The following PCDHGB6 variants were observed in gnomAD, a reference collection of about 807,000 sequenced individuals.
The protein encoded by PCDHGB6 is protocadherin gamma subfamily B, 6.
Under a neutral mutation model 59.1 loss-of-function variants are expected in PCDHGB6, and 51 were observed. The observed-to-expected ratio is 0.86, with a 90% CI of 0.69 to 1.09. The LOEUF is 1.09. PCDHGB6 is among the 50% of genes least tolerant of loss of function. The pLI is 0.00. For synonymous variants in PCDHGB6, 466 were observed against 495.1 expected, an observed-to-expected ratio of 0.94 and a Z score of 0.78; for missense variants, 1,148 against 1,205.1, an observed-to-expected ratio of 0.95 and a Z score of 0.70.
chr5:141,432,415 G>A lies in PCDHGB6; in HGVS notation c.2418+21795G>A, dbSNP rs2097498934. The A allele has an allele frequency of 6.2e-7, 1 of 1,614,112 alleles. No homozygotes were observed. The highest frequency in any genetic ancestry group is 1.1e-5 in the South Asian group (1 of 91,092). On this transcript the variant is annotated intron_variant, in intron 1 of 3. Transcript: ENST00000520790. This position sits in a 1 kb window ranked among gnomAD's most constrained non-coding sequence, Gnocchi z 6.0. ...GCAACGTGTCGTTGAGCCTGTTCGT[G>A]CTGGACCAGAACGACAATGCGCCCG... is the stretch of plus-strand genomic sequence containing the variant.
In PCDHGB6 at chr5:141,408,956, A is replaced by G; in HGVS notation, c.754A>G (p.Ser252Gly). The stretch of plus-strand genomic sequence containing the variant: ...CAGAGACGAATATAGAATTAGTCTT[A>G]GTGAAAATCTGCCCCCTGGGTCCCC... ...FSRDEYRISL[S>G]ENLPPGSPVL... The change falls in exon 1 of 4, where the codon AGT becomes GGT. Residue 252 changes from serine to glycine, a missense_variant. By Grantham distance (56) the Ser-to-Gly change is moderately conservative. Around this residue, in one of 5 missense-constraint regions of PCDHGB6, gnomAD observed 307 missense variants for 323.8 expected, o/e 0.95. Coordinates refer to ENST00000520790, the MANE Select transcript of PCDHGB6 (RefSeq NM_018926.3). The G allele has an allele frequency of 6.2e-7, 1 of 1,613,714 alleles. No individual in the cohort carries two copies. The highest frequency in any genetic ancestry group is 8.5e-7 in the Non-Finnish European group (1 of 1,179,790).
intron 3 of PCDHGB6, among the ~76,000 whole-genome samples, chr5:141,506,032 G>A (rs994735467): frequency 5.9e-5 from 9 of 152,166 alleles, no homozygotes; most frequent in Non-Finnish European, 1.0e-4. Context: ...TCCAGAGTAG[G>A]ATTCTGGTTT....
At chr5:141,428,134 T>C (rs746772496) in intron 1 of PCDHGB6, 1 of 1,600,266 alleles carries the variant, frequency 6.2e-7, no homozygotes, top group Non-Finnish European at 8.5e-7. Flanking sequence ...CTTTTCAGCC[T>C]GGGGCTGCAC....
chr5:141,481,229 A>G (rs989963485), intron 1 of PCDHGB6, among the ~76,000 whole-genome samples: 5 of 152,212 alleles, frequency 3.3e-5, no homozygotes, highest in African/African-American at 4.8e-5. Context: ...TCCCAGCCTT[A>G]AAGTATTACA....
In PCDHGB6 at chr5:141,476,707, G is replaced by A. The variant is rs1309848893; in HGVS notation, c.2419-18100G>A. 6.2e-7 allele frequency: 1 copy of A among 1,614,206 alleles called. No individual in the cohort carries two copies. The highest frequency in any genetic ancestry group is 1.7e-5 in the Admixed American group (1 of 60,032). On this transcript the variant is annotated intron_variant, in intron 1 of 3. Coordinates refer to ENST00000520790, the MANE Select transcript of PCDHGB6 (RefSeq NM_018926.3). This position sits in a 1 kb window ranked among gnomAD's most constrained non-coding sequence, Gnocchi z 7.6. ...ACAGCACCAAGTACGCGGAGCTGGT[G>A]TTGGAGCGCGCCCTGGACCGAGAAC...
chr5:141,409,940 C>G lies in PCDHGB6; in HGVS notation c.1738C>G (p.Arg580Gly). 6.2e-7 allele frequency: 1 copy of G among 1,613,236 alleles called. No homozygotes were observed. ...DGSAFFDMVP[R>G]SAEPGYLVTK... ...CTCCGCGTTCTTCGATATGGTACCTCGCTCTGCAGAGCCCGGCTACCTAGT... is the reference window on the plus strand; with the variant it reads ...CTCCGCGTTCTTCGATATGGTACCTGGCTCTGCAGAGCCCGGCTACCTAGT... Residue 580 changes from arginine to glycine, a missense_variant, in exon 1 of 4, where the codon CGC becomes GGC. Around this residue, in one of 5 missense-constraint regions of PCDHGB6, gnomAD observed 549 missense variants for 527.5 expected, o/e 1.04. Transcript: ENST00000520790.
rs1465791228 is a variant in PCDHGB6, at chr5:141,409,410, A to G, written c.1208A>G (p.Lys403Arg). 6.2e-7 allele frequency: 1 copy of G among 1,614,036 alleles called. No individual in the cohort carries two copies. The highest frequency in any genetic ancestry group is 1.3e-5 in the African/African-American group (1 of 75,072). Residue 403 changes from lysine to arginine, a missense_variant, in exon 1 of 4, where the codon AAA becomes AGA. Physicochemically the swap from Lys to Arg is conservative, Grantham distance 26 (BLOSUM62 2). Transcript: ENST00000520790. ...TATTCTTCTTCCAATAACTACTACA[A>G]ACTGGTGACAGATGGAGCCCTGGAC... ...KIYSSSNNYY[K>R]LVTDGALDRE...
chr5:141,423,106 G>T lies in PCDHGB6; in HGVS notation c.2418+12486G>T, dbSNP rs562864937. On this transcript the variant is annotated intron_variant, in intron 1 of 3. Coordinates refer to ENST00000520790, the MANE Select transcript of PCDHGB6 (RefSeq NM_018926.3). ...CGCGGTGGGGGAGCACACGGGCGAGGTGCGTACAGCGCGGGCACTGCTGGA... is the reference window on the plus strand; with the variant it reads ...CGCGGTGGGGGAGCACACGGGCGAGTTGCGTACAGCGCGGGCACTGCTGGA... The T allele has an allele frequency of 1.2e-5, 19 of 1,613,894 alleles. No individual in the cohort carries two copies. The African/African-American group carries it at 2.1e-4, about 18-fold the overall frequency.
intron 1 of PCDHGB6, chr5:141,416,492 A>G (rs183273356): frequency 1.4e-4 from 22 of 152,306 alleles, no homozygotes; most frequent in Admixed American, 1.4e-3. Flanking sequence ...AACAGGAGCA[A>G]GAGATATATG....
At position 141,491,289 on chromosome 5, in the gene PCDHGB6, C is replaced by T. The variant is rs2099710219; in HGVS notation, c.2419-3518C>T. ...CCAAATCCAGTGACTTCCTCATACA[C>T]CCTCCTGAGCGTTCAGACCTTACCC... On this transcript the variant is annotated intron_variant, in intron 1 of 3. Transcript: ENST00000520790. The surrounding 1 kb of genome is among the most constrained non-coding windows in gnomAD (Gnocchi z 6.9). 2 of 1,614,112 alleles carry T rather than the reference C, an allele frequency of 1.2e-6. No homozygotes were observed. The highest frequency in any genetic ancestry group is 1.7e-6 in the Non-Finnish European group (2 of 1,179,942).
At chr5:141,426,946 C>T (rs565370434) in intron 1 of PCDHGB6, 5 of 456,668 alleles carry the variant, frequency 1.1e-5, no homozygotes, top group Non-Finnish European at 2.2e-5. Context: ...CCAGTCCCAA[C>T]TGGCACTGCT....
intron 1 of PCDHGB6, chr5:141,427,780 TGTCGTCCTAC>T (rs892399327): frequency 8.9e-6 from 13 of 1,455,886 alleles, no homozygotes; most frequent in Middle Eastern, 1.7e-4. Context: ...CTGCGGGCAC[TGTCGTCCTAC>T]GTGTCCGTGA....
At position 141,491,711 on chromosome 5, in the gene PCDHGB6, C is replaced by T. The variant is rs528931820; in HGVS notation, c.2419-3096C>T. 1.5e-5 allele frequency: 24 copies of T among 1,609,240 alleles called. No homozygotes were observed. In the African/African-American group the frequency reaches 1.7e-4, roughly 12 times the overall value. On this transcript the variant is annotated intron_variant, in intron 1 of 3. Transcript: ENST00000520790. This position sits in a 1 kb window ranked among gnomAD's most constrained non-coding sequence, Gnocchi z 6.9. ...CGGGAGCGGAGCCAGGTGAGGGGCT[C>T]GGCGCCGCCCCGGGCGACCCCTGGG... is the stretch of plus-strand genomic sequence containing the variant.
intron 1 of PCDHGB6, chr5:141,427,749 A>G (rs770208196): frequency 4.6e-6 from 6 of 1,299,142 alleles, no homozygotes; most frequent in South Asian, 2.4e-5. Context: ...CTCCTACTCC[A>G]TCGTTACCAC....
Position 141,485,046 on chromosome 5 carries a change from G to A in PCDHGB6, c.2419-9761G>A. On this transcript the variant is annotated intron_variant, in intron 1 of 3. Transcript: ENST00000520790. This position sits in a 1 kb window ranked among gnomAD's most constrained non-coding sequence, Gnocchi z 5.7. ...AAAAACGGCGCGTAACCCTTGCGGCGCCGGCCGAACCGCGCCAGAGCTGGC... is the reference window on the plus strand; with the variant it reads ...AAAAACGGCGCGTAACCCTTGCGGCACCGGCCGAACCGCGCCAGAGCTGGC... 2 of 750,304 alleles carry A rather than the reference G, an allele frequency of 2.7e-6. No individual in the cohort carries two copies. The highest frequency in any genetic ancestry group is 4.5e-6 in the Non-Finnish European group (2 of 443,046). The allele number at this position is 750,304 out of a possible 1,614,324, so 46.5% of individuals were successfully genotyped here. A position where few individuals can be genotyped will look rare whatever the true frequency, so the allele number is the denominator to read the frequency against.
Position 141,431,697 on chromosome 5 carries a change from G to A in PCDHGB6, c.2418+21077G>A. The A allele has an allele frequency of 6.2e-7, 1 of 1,614,206 alleles. No homozygotes were observed. Among genetic ancestry groups the A allele is most frequent in the South Asian group, 1.1e-5 (1 of 91,084 alleles). On this transcript the variant is annotated intron_variant, in intron 1 of 3. Transcript: ENST00000520790. This position sits in a 1 kb window ranked among gnomAD's most constrained non-coding sequence, Gnocchi z 4.8. Reference sequence around the variant, plus strand: ...GGGGAGTTGGACCACGAGGAGTCAGGATTCTACCAGATGGAAGTGCAAGCA... The same window carrying A: ...GGGGAGTTGGACCACGAGGAGTCAGAATTCTACCAGATGGAAGTGCAAGCA...
At chr5:141,414,174 A>C in intron 1 of PCDHGB6, 1 of 1,607,520 alleles carries the variant, frequency 6.2e-7, no homozygotes, top group Non-Finnish European at 8.5e-7. Context: ...CATATCTTGC[A>C]ACTGCAAAAG....
chr5:141,427,991 C>T (rs748924488), intron 1 of PCDHGB6: 1 of 1,599,024 alleles, frequency 6.3e-7, no homozygotes, highest in Non-Finnish European at 8.6e-7. Context: ...GGCCCGATGG[C>T]TCCGCACTCT....
chr5:141,492,296 G>GACGC lies in PCDHGB6; in HGVS notation c.2419-2500_2419-2497dup, dbSNP rs540417011. 9.7e-4 allele frequency among the ~76,000 whole-genome samples: 148 copies of GACGC among 152,328 alleles called. 2 individuals are homozygous for GACGC. In the South Asian group the frequency reaches 0.014, roughly 14 times the overall value. ...GCCACGCCCCGCCAACACGTGCGCGGACGCACGCACGCACTCCTCGCACGT... is the reference window on the plus strand; with the variant it reads ...GCCACGCCCCGCCAACACGTGCGCGGACGCACGCACGCACGCACTCCTCGCACGT... On this transcript the variant is annotated intron_variant, in intron 1 of 3. Transcript: ENST00000520790.
Sources: gnomAD v4.1 joint callset for allele counts (sites outside exome capture counted in the v4.1 genomes callset) on GRCh38, gnomAD v4.1.1 for gene constraint, gnomAD v4.1.1 regional missense constraint, Gnocchi (gnomAD v3.1) non-coding constraint, MANE v1.5 for transcripts, NCBI Gene and HGNC (gene_info 2026-07-23, HGNC 2026-07-21) for gene names.